PPP2R2B: variants seen among roughly 807,000 people sequenced by gnomAD.
The protein encoded by PPP2R2B is protein phosphatase 2 regulatory subunit Bbeta.
PPP2R2B carries 5 observed loss-of-function variants against 46.0 expected under a neutral mutation model. The observed-to-expected ratio is 0.11, with a 90% CI of 0.06 to 0.23. PPP2R2B has a LOEUF of 0.23. PPP2R2B is among the 10% of genes least tolerant of loss of function. The pLI, the probability that PPP2R2B is intolerant of heterozygous loss-of-function variation, is 1.00. For synonymous variants in PPP2R2B, 215 were observed against 206.7 expected, an observed-to-expected ratio of 1.04 and a Z score of -0.34; for missense variants, 367 against 575.0, an observed-to-expected ratio of 0.64 and a Z score of 3.70.
At position 147,012,395 on chromosome 5, in the gene PPP2R2B, G is replaced by A. The variant is rs201660654; in HGVS notation, c.79+43270C>T. Among the ~76,000 whole-genome samples the A allele has an allele frequency of 0.011, 1,688 of 151,994 alleles. 98 individuals are homozygous for A. In the East Asian group the frequency reaches 0.18, roughly 17 times the overall value. On this transcript the variant is annotated intron_variant, in intron 1 of 8. Transcript: ENST00000336640. ...GTGTTTGTAGTATTCTCTGATGGTAGTTTGTATTTCTGTGGGATCAGTGGT... is the reference window on the plus strand; with the variant it reads ...GTGTTTGTAGTATTCTCTGATGGTAATTTGTATTTCTGTGGGATCAGTGGT...
chr5:146,782,961 A>G (rs1755626062), intron 2 of PPP2R2B, among the ~76,000 whole-genome samples: 1 of 152,214 alleles, frequency 6.6e-6, no homozygotes. Flanking sequence ...CGATATGGAA[A>G]AAAAATCCTT....
chr5:146,610,010 C>T (rs1236445857), intron 7 of PPP2R2B, among the ~76,000 whole-genome samples: 5 of 135,638 alleles, frequency 3.7e-5, no homozygotes, highest in Admixed American at 1.5e-4. Context: ...TCAAGGAGGC[C>T]TGCCTGCCTC....
chr5:146,833,861 A>G (rs1759111543), intron 2 of PPP2R2B, among the ~76,000 whole-genome samples: 1 of 152,172 alleles, frequency 6.6e-6, no homozygotes, highest in South Asian at 2.1e-4. Flanking sequence ...ATAATATTCA[A>G]TGTGCAGAGC....
chr5:146,777,870 T>C (rs1298311028), intron 2 of PPP2R2B, among the ~76,000 whole-genome samples: 1 of 152,194 alleles, frequency 6.6e-6, no homozygotes, highest in Non-Finnish European at 1.5e-5. Context: ...TTAATCCATG[T>C]CTATAAATGT....
intron 2 of PPP2R2B, among the ~76,000 whole-genome samples, chr5:146,763,580 C>T (rs762880713): frequency 6.6e-6 from 1 of 152,136 alleles, no homozygotes; most frequent in Non-Finnish European, 1.5e-5. Flanking sequence ...GTAAGCAAGA[C>T]CAAATGCAGT....
At chr5:146,706,820 T>G in intron 2 of PPP2R2B, 1 of 931,872 alleles carries the variant, frequency 1.1e-6, no homozygotes, top group Non-Finnish European at 1.8e-6. Flanking sequence ...CTCCTCGTAC[T>G]GTACCTTGAC....
intron 1 of PPP2R2B, among the ~76,000 whole-genome samples, chr5:147,044,656 T>C (rs530781789): frequency 6.6e-6 from 1 of 152,260 alleles, no homozygotes; most frequent in Admixed American, 6.5e-5. Context: ...CATCCTGTCA[T>C]CTGGGTTGTA....
chr5:146,784,214 G>T (rs1255977780), intron 2 of PPP2R2B, among the ~76,000 whole-genome samples: 1 of 152,272 alleles, frequency 6.6e-6, no homozygotes, highest in East Asian at 1.9e-4. Flanking sequence ...ATATGCAGAA[G>T]TTTTCTCAAT....
At chr5:147,056,055 C>A (rs1400646958), upstream of PPP2R2B, 2 of 1,147,970 alleles carry the variant, frequency 1.7e-6, no homozygotes, top group Non-Finnish European at 2.2e-6. Context: ...CCTGTAAACA[C>A]ACGCTGAAAT....
rs1554088777 is a variant in PPP2R2B, at chr5:147,049,100, A to ATATG, written c.79+6564_79+6565insCATA. ...CGATCTTGAGAGAAAGGGAATGAGC[A>ATATG]TGTGTGTGTGTGTGTGTGTGTGTGA... is the stretch of plus-strand genomic sequence containing the variant. On this transcript the variant is annotated intron_variant, in intron 1 of 8. Transcript: ENST00000336640. 6.9e-5 allele frequency among the ~76,000 whole-genome samples: 8 copies of ATATG among 116,062 alleles called. No individual in the cohort carries two copies. The East Asian group carries it at 1.7e-3, about 25-fold the overall frequency. The allele number at this position is 116,062 out of a possible 152,430, so 76.1% of individuals were successfully genotyped here.
chr5:146,904,334 A>G (rs545352195), intron 1 of PPP2R2B, among the ~76,000 whole-genome samples: 99 of 152,328 alleles, frequency 6.5e-4, no homozygotes, highest in Non-Finnish European at 1.2e-3. Flanking sequence ...ATTATATAAG[A>G]ACATTATTAT....
At chr5:147,055,149 G>T (rs938423300) in intron 1 of PPP2R2B, among the ~76,000 whole-genome samples, 1 of 152,172 alleles carries the variant, frequency 6.6e-6, no homozygotes, top group Admixed American at 6.5e-5. Context: ...AGTCAGCTGT[G>T]TTCTTACTGC....
At chr5:147,047,200 C>A (rs1471167126) in intron 1 of PPP2R2B, among the ~76,000 whole-genome samples, 2 of 151,982 alleles carry the variant, frequency 1.3e-5, no homozygotes, top group African/African-American at 4.8e-5. Flanking sequence ...CACAAAATTA[C>A]AGCTGGATAG....
chr5:146,730,180 C>T (rs1375041009), intron 2 of PPP2R2B, among the ~76,000 whole-genome samples: 1 of 152,224 alleles, frequency 6.6e-6, no homozygotes, highest in Non-Finnish European at 1.5e-5. Flanking sequence ...TAAAATTTGA[C>T]TGCCTCTCTG....
intron 2 of PPP2R2B, among the ~76,000 whole-genome samples, chr5:146,736,404 A>G (rs568297048): frequency 7.9e-4 from 121 of 152,332 alleles, no homozygotes; most frequent in Non-Finnish European, 1.0e-3. Context: ...CAGTCATCAC[A>G]GAAATCTTAT....
At chr5:146,745,156 AAGACAGAGAGAG>A (rs1293209318) in intron 2 of PPP2R2B, among the ~76,000 whole-genome samples, 40 of 106,118 alleles carry the variant, frequency 3.8e-4, no homozygotes, top group African/African-American at 1.5e-3. Flanking sequence ...CGTGCAGAGA[AAGACAGAGAGAG>A]AGAGAGAGAG....
intron 5 of PPP2R2B, among the ~76,000 whole-genome samples, chr5:146,660,760 A>C (rs1776620293): frequency 6.6e-6 from 1 of 152,218 alleles, no homozygotes; most frequent in Non-Finnish European, 1.5e-5. Context: ...GAACCAAGTC[A>C]GGCTTTGTGT....
chr5:146,712,334 T>C (rs1397270630), intron 2 of PPP2R2B, among the ~76,000 whole-genome samples: 2 of 152,200 alleles, frequency 1.3e-5, no homozygotes, highest in East Asian at 3.8e-4. Context: ...ATAATATGCA[T>C]ATTTTAAAGC....
intron 1 of PPP2R2B, among the ~76,000 whole-genome samples, chr5:146,967,515 A>C (rs553050150): frequency 6.6e-6 from 1 of 152,270 alleles, no homozygotes; most frequent in African/African-American, 2.4e-5. Flanking sequence ...TGGATTCTAA[A>C]CCAGAGCGCT....
Sources: gnomAD v4.1 joint callset for allele counts (sites outside exome capture counted in the v4.1 genomes callset) on GRCh38, gnomAD v4.1.1 for gene constraint, MANE v1.5 for transcripts, NCBI Gene and HGNC (gene_info 2026-07-23, HGNC 2026-07-21) for gene names.